RASSF5: variants seen among roughly 807,000 people sequenced by gnomAD.
The protein encoded by RASSF5 is Ras association domain family member 5.
A neutral mutation model predicts 40.5 loss-of-function variants in RASSF5; 25 were observed. The observed-to-expected ratio is 0.62, with a 90% confidence interval of 0.45 to 0.86. The LOEUF is 0.86. Ranked by LOEUF, RASSF5 falls within the 40% of genes least tolerant of loss-of-function variation. RASSF5 has a pLI of 0.00. For synonymous variants in RASSF5, 246 were observed against 252.4 expected (o/e 0.97, Z 0.24); for missense variants, 521 against 572.8 (o/e 0.91, Z 0.92).
chr1:206,510,662 T>C (rs1666591892), intron 1 of RASSF5, among the ~76,000 whole-genome samples: 1 of 152,006 alleles, frequency 6.6e-6, no homozygotes, highest in Non-Finnish European at 1.5e-5. Context: ...CCCAGAAAAT[T>C]TGGGTATTAG....
In RASSF5 at chr1:206,535,373, C is replaced by T. The variant is rs558883138; in HGVS notation, c.458-2799C>T. ...AACCACTGGGTCTAGTGGAATGTGG[C>T]TCTGTCTTTGGAATCTCATGGGTCT... is the stretch of plus-strand genomic sequence containing the variant. On this transcript the variant is annotated intron_variant, in intron 1 of 5. Coordinates refer to ENST00000579436, the MANE Select transcript of RASSF5 (RefSeq NM_182663.4). The surrounding 1 kb of genome is among the most constrained non-coding windows in gnomAD (Gnocchi z 5.0). Among the ~76,000 whole-genome samples, 1 of 152,282 alleles carries T rather than the reference C, an allele frequency of 6.6e-6. No homozygotes were observed. Among genetic ancestry groups the T allele is most frequent in the South Asian group, 2.1e-4 (1 of 4,826 alleles).
At chr1:206,529,728 G>T in intron 1 of RASSF5, 1 of 599,768 alleles carries the variant, frequency 1.7e-6, no homozygotes, top group African/African-American at 1.9e-5. Context: ...TGAGTTTTCT[G>T]TACATAAAAA....
chr1:206,516,653 T>C (rs1018566934), intron 1 of RASSF5, among the ~76,000 whole-genome samples: 26 of 152,146 alleles, frequency 1.7e-4, no homozygotes, highest in African/African-American at 6.3e-4. Flanking sequence ...GAGATGGGGA[T>C]TCACCGTGTT....
rs1572324416 is a variant in RASSF5 at position 206,542,356 on chromosome 1, C to T, written c.579+4063C>T. ...ACAAGAGCTGGTTGTTTAAGACAAC[C>T]CTAGCATCTCTTTTTTGCTGTCTCT... On this transcript the variant is annotated intron_variant, in intron 2 of 5. Coordinates refer to ENST00000579436, the MANE Select transcript of RASSF5 (RefSeq NM_182663.4). 2.0e-5 allele frequency: 3 copies of T among 152,200 alleles called. No individual in the cohort carries two copies. The South Asian group carries it at 6.2e-4, about 32-fold the overall frequency. 9.4% of individuals were successfully genotyped at this position (152,200 alleles called of 1,614,324 possible). A position where few individuals can be genotyped will look rare whatever the true frequency, so the allele number is the denominator to read the frequency against.
At chr1:206,564,359 C>T (rs556995894) in intron 2 of RASSF5, among the ~76,000 whole-genome samples, 2 of 152,302 alleles carry the variant, frequency 1.3e-5, no homozygotes, top group South Asian at 2.1e-4. Flanking sequence ...TCTGGTTCCT[C>T]CCCTCCTGCC....
intron 1 of RASSF5, chr1:206,529,344 G>C: frequency 1.3e-6 from 1 of 767,984 alleles, no homozygotes. Flanking sequence ...CACCACTTTG[G>C]TGGAGAATAA....
At chr1:206,569,206 A>T (rs1291778307) in intron 2 of RASSF5, among the ~76,000 whole-genome samples, 1 of 152,238 alleles carries the variant, frequency 6.6e-6, no homozygotes. Context: ...GAGCCTTCAG[A>T]ATGAAGACCC....
At chr1:206,508,094 G>A in intron 1 of RASSF5, 35 bp downstream of exon 1, 1 of 1,330,336 alleles carries the variant, frequency 7.5e-7, no homozygotes, top group South Asian at 1.9e-5. Context: ...CGTGCGGGGA[G>A]ACCGCAGTCT....
intron 1 of RASSF5, among the ~76,000 whole-genome samples, chr1:206,522,446 C>T (rs1472800616): frequency 1.3e-5 from 2 of 152,174 alleles, no homozygotes; most frequent in Non-Finnish European, 2.9e-5. Context: ...CTAAATGCAG[C>T]GTGAGCGTTT....
In RASSF5 at chr1:206,584,521, C is replaced by T. The variant is rs201417666; in HGVS notation, c.825C>T (p.Asp275=). The T allele has an allele frequency of 4.2e-5, 68 of 1,614,178 alleles. 4 individuals are homozygous for T. The Middle Eastern group carries it at 9.4e-3, about 223-fold the overall frequency. ...IKEVNLAATT[D]KRTSFYLPLD... Reference sequence around the variant, plus strand: ...AGGTGAACCTGGCGGCTACCACGGACAAGCGGACATCCTTCTACCTGCCCC... The same window carrying T: ...AGGTGAACCTGGCGGCTACCACGGATAAGCGGACATCCTTCTACCTGCCCC... Residue 275 remains aspartate, a synonymous_variant, in exon 4 of 6, where the codon GAC becomes GAT. Coordinates refer to ENST00000579436, the MANE Select transcript of RASSF5 (RefSeq NM_182663.4). The surrounding 1 kb of genome is among the most constrained non-coding windows in gnomAD (Gnocchi z 4.9).
At chr1:206,569,071 C>T (rs1553403808) in intron 2 of RASSF5, among the ~76,000 whole-genome samples, 2 of 152,254 alleles carry the variant, frequency 1.3e-5, no homozygotes, top group South Asian at 2.1e-4. Context: ...ACTACCTGAA[C>T]CTCCTGTAGG....
In RASSF5 at chr1:206,588,395, T is replaced by C. The variant is rs1669216286; in HGVS notation, c.*1417T>C. 6.6e-6 allele frequency: 1 copy of C among 152,346 alleles called. No individual in the cohort carries two copies. Among genetic ancestry groups the C allele is most frequent in the South Asian group, 2.1e-4 (1 of 4,836 alleles). The allele number at this position is 152,346 out of a possible 1,614,324, so 9.4% of individuals were successfully genotyped here. A position where few individuals can be genotyped will look rare whatever the true frequency, so the allele number is the denominator to read the frequency against. ...CTGGCTTCTTGTTTAGGCTGAATCC[T>C]AAAATAAATTAGTCAAAAAATTCCA... On this transcript the variant is annotated 3_prime_UTR_variant, in exon 6 of 6. Transcript: ENST00000579436.
intron 2 of RASSF5, among the ~76,000 whole-genome samples, chr1:206,554,677 C>T (rs1348881590): frequency 6.6e-6 from 1 of 152,162 alleles, no homozygotes; most frequent in Non-Finnish European, 1.5e-5. Flanking sequence ...CAAGCTATCA[C>T]TATTATTGAT....
intron 2 of RASSF5, among the ~76,000 whole-genome samples, chr1:206,539,435 C>T (rs1185584933): frequency 2.0e-5 from 3 of 152,178 alleles, no homozygotes; most frequent in Non-Finnish European, 4.4e-5. Context: ...TTTTCTGGAA[C>T]ACAATCAACA....
chr1:206,573,781 G>A (rs887240347), intron 2 of RASSF5, among the ~76,000 whole-genome samples: 1 of 152,242 alleles, frequency 6.6e-6, no homozygotes, highest in Non-Finnish European at 1.5e-5. Flanking sequence ...GCCAAAGCGG[G>A]AGGATCACTT....
At chr1:206,519,425 T>A (rs1484536464) in intron 1 of RASSF5, among the ~76,000 whole-genome samples, 1 of 152,232 alleles carries the variant, frequency 6.6e-6, no homozygotes, top group African/African-American at 2.4e-5. Flanking sequence ...TTGCTTTTAA[T>A]ATCATTTATT....
chr1:206,564,339 C>A (rs189077761), intron 2 of RASSF5, among the ~76,000 whole-genome samples: 6 of 152,130 alleles, frequency 3.9e-5, no homozygotes, highest in Non-Finnish European at 8.8e-5. Context: ...GGCCATCCCT[C>A]ACTCTCTGTT....
At chr1:206,565,826 C>A (rs1360268833) in intron 2 of RASSF5, among the ~76,000 whole-genome samples, 1 of 152,234 alleles carries the variant, frequency 6.6e-6, no homozygotes, top group Non-Finnish European at 1.5e-5. Flanking sequence ...GACAGAGCTG[C>A]ACCACCACTG....
chr1:206,510,210 T>A (rs1471984483), intron 1 of RASSF5, among the ~76,000 whole-genome samples: 1 of 152,158 alleles, frequency 6.6e-6, no homozygotes, highest in African/African-American at 2.4e-5. Flanking sequence ...GTGAGGTTGC[T>A]TTGTTTTATC....
Sources: gnomAD v4.1 joint callset for allele counts (sites outside exome capture counted in the v4.1 genomes callset) on GRCh38, gnomAD v4.1.1 for gene constraint, Gnocchi (gnomAD v3.1) non-coding constraint, MANE v1.5 for transcripts, NCBI Gene and HGNC (gene_info 2026-07-23, HGNC 2026-07-21) for gene names.